The following VPS8 variants were observed in gnomAD, a reference collection of about 807,000 sequenced individuals.
VPS8 encodes VPS8 subunit of CORVET complex, also known as vacuolar protein sorting-associated protein 8 homolog.
A neutral mutation model predicts 216.4 loss-of-function variants in VPS8; 129 were observed. The ratio of observed to expected loss-of-function variants is 0.60; its 90% CI spans 0.52 to 0.69. The LOEUF (loss-of-function observed/expected upper bound fraction) is 0.69, where lower values mean the gene tolerates loss of function less well. VPS8 is among the 30% of genes least tolerant of loss of function. The probability of loss-of-function intolerance (pLI) is 0.00; values close to 1 mark genes in which losing one functional copy is unlikely to be tolerated. For synonymous variants in VPS8, 571 were observed against 565.4 expected, an observed-to-expected ratio of 1.01 and a Z score of -0.14; for missense variants, 1,531 against 1,683.5, an observed-to-expected ratio of 0.91 and a Z score of 1.59.
chr3:184,815,118 T>C (rs1022924722), intron 1 of VPS8, among the ~76,000 whole-genome samples: 1 of 152,178 alleles, frequency 6.6e-6, no homozygotes, highest in Non-Finnish European at 1.5e-5. Context: ...TCATCTCTTA[T>C]GATAACAGTG....
rs541748724 is a variant in VPS8, at chr3:184,990,886, G to A, written c.3586-3097G>A. On this transcript the variant is annotated intron_variant, in intron 42 of 47. Coordinates refer to ENST00000625842, the MANE Select transcript of VPS8 (RefSeq NM_001009921.3). ...TCTCACAGATCTTCTTGATCTTCAC[G>A]TGTTTATTCAGACTGATGCCTGGGA... is the stretch of plus-strand genomic sequence containing the variant. Among the ~76,000 whole-genome samples the A allele has an allele frequency of 8.0e-4, 120 of 150,592 alleles. 1 individual carries two copies. The highest frequency in any genetic ancestry group is 2.8e-3 in the African/African-American group (116 of 41,110).
At chr3:185,050,010 TC>T (rs1235724828) in intron 47 of VPS8, among the ~76,000 whole-genome samples, 2 of 152,144 alleles carry the variant, frequency 1.3e-5, no homozygotes, top group East Asian at 3.9e-4. Flanking sequence ...TTCTGGGCCT[TC>T]CAAGGAGGTT....
chr3:184,918,768 A>T (rs533726825), intron 28 of VPS8, among the ~76,000 whole-genome samples: 30 of 152,130 alleles, frequency 2.0e-4, no homozygotes, highest in Non-Finnish European at 3.8e-4. Flanking sequence ...TTCCCTTTGT[A>T]CCTGCAGAGT....
At chr3:184,882,403 C>T in intron 21 of VPS8, 1 of 454,814 alleles carries the variant, frequency 2.2e-6, no homozygotes, top group South Asian at 1.6e-5. Context: ...ACCAGTCTTG[C>T]ATCCTGGAAT....
intron 21 of VPS8, among the ~76,000 whole-genome samples, chr3:184,880,516 G>T (rs1730086978): frequency 6.6e-6 from 1 of 152,234 alleles, no homozygotes; most frequent in Admixed American, 6.5e-5. Flanking sequence ...TTTATTGCTG[G>T]GTAGTATTCC....
In VPS8 at chr3:184,879,686, C is replaced by T. The variant is rs549690123; in HGVS notation, c.1735-6424C>T. Reference sequence around the variant, plus strand: ...CTACTCCAGGTGGTTGTTTACTAGTCCGGGAAATGCCAGCTGCCCAGCTCT... The same window carrying T: ...CTACTCCAGGTGGTTGTTTACTAGTTCGGGAAATGCCAGCTGCCCAGCTCT... On this transcript the variant is annotated intron_variant, in intron 21 of 47. Coordinates refer to ENST00000625842, the MANE Select transcript of VPS8 (RefSeq NM_001009921.3). Among the ~76,000 whole-genome samples the T allele has an allele frequency of 1.8e-3, 271 of 152,222 alleles. 2 individuals are homozygous for T. Among genetic ancestry groups the T allele is most frequent in the African/African-American group, 6.4e-3 (264 of 41,534 alleles).
At position 184,863,084 on chromosome 3, in the gene VPS8, A is replaced by T. The variant is rs373699642; in HGVS notation, c.1395+17A>T. The T allele has an allele frequency of 3.7e-6, 6 of 1,610,142 alleles. No individual in the cohort carries two copies. In the African/African-American group the frequency reaches 6.7e-5, roughly 18 times the overall value. On this transcript the variant is annotated intron_variant, in intron 16 of 47. Transcript: ENST00000625842. ...CAGGCACTGGTAAGGATAATCACTT[A>T]TCTTGCTATCCTAGAAAATACTTTG...
At chr3:184,881,925 T>G (rs1730334236) in intron 21 of VPS8, among the ~76,000 whole-genome samples, 1 of 152,068 alleles carries the variant, frequency 6.6e-6, no homozygotes, top group African/African-American at 2.4e-5. Flanking sequence ...AATGTTTATT[T>G]TATATTCTGC....
chr3:184,886,172 C>T lies in VPS8; in HGVS notation c.1781+16C>T, dbSNP rs1731184332. On this transcript the variant is annotated intron_variant, in intron 22 of 47. Coordinates refer to ENST00000625842, the MANE Select transcript of VPS8 (RefSeq NM_001009921.3). ...TGCAGCGAAAGTGAGTATGCGTTGCCTGTCACATTCAATTATTTTGAACCC... is the reference window on the plus strand; with the variant it reads ...TGCAGCGAAAGTGAGTATGCGTTGCTTGTCACATTCAATTATTTTGAACCC... The T allele has an allele frequency of 7.5e-6, 12 of 1,600,300 alleles. No homozygotes were observed. Among genetic ancestry groups the T allele is most frequent in the Non-Finnish European group, 1.0e-5 (12 of 1,172,884 alleles).
At chr3:184,986,645 A>C (rs1577069443) in intron 42 of VPS8, among the ~76,000 whole-genome samples, 1 of 152,158 alleles carries the variant, frequency 6.6e-6, no homozygotes, top group Non-Finnish European at 1.5e-5. Context: ...AACAGATTGG[A>C]TGCTTCAGGT....
At chr3:184,848,184 A>G (rs1390892890) in intron 8 of VPS8, among the ~76,000 whole-genome samples, 3 of 152,154 alleles carry the variant, frequency 2.0e-5, no homozygotes, top group Non-Finnish European at 2.9e-5. Context: ...AAGTGCTGGG[A>G]TTACAGGTGT....
intron 34 of VPS8, among the ~76,000 whole-genome samples, chr3:184,932,698 C>G (rs1482423196): frequency 6.6e-6 from 1 of 151,998 alleles, no homozygotes; most frequent in African/African-American, 2.4e-5. Context: ...TTTGTTTTGC[C>G]TATTCTTGAA....
chr3:184,982,129 G>A (rs889913385), intron 40 of VPS8, among the ~76,000 whole-genome samples: 1 of 152,032 alleles, frequency 6.6e-6, no homozygotes, highest in Non-Finnish European at 1.5e-5. Flanking sequence ...AGGAAATTGG[G>A]TGGGGGACAG....
intron 37 of VPS8, 48 bp downstream of exon 37, chr3:184,957,569 T>C: frequency 6.5e-7 from 1 of 1,535,476 alleles, no homozygotes; most frequent in Non-Finnish European, 8.8e-7. Flanking sequence ...TTCTTAACAT[T>C]CTCCATTTGA....
intron 36 of VPS8, among the ~76,000 whole-genome samples, chr3:184,949,971 G>A (rs1475458108): frequency 3.3e-5 from 5 of 151,582 alleles, no homozygotes; most frequent in Admixed American, 6.6e-5. Context: ...GTGCAGTGGC[G>A]TGATTTCGGC....
At chr3:184,829,651 ATG>A (rs547985039) in intron 3 of VPS8, among the ~76,000 whole-genome samples, 194 of 152,342 alleles carry the variant, frequency 1.3e-3, no homozygotes, top group African/African-American at 4.5e-3. Flanking sequence ...GCAACAGTAT[ATG>A]AGATTTCTGA....
intron 1 of VPS8, among the ~76,000 whole-genome samples, chr3:184,815,611 T>C (rs1047896491): frequency 6.6e-6 from 1 of 152,046 alleles, no homozygotes; most frequent in Admixed American, 6.5e-5. Flanking sequence ...ATTGGCCACA[T>C]AGGACCCAAG....
rs140476084 is a variant in VPS8, at chr3:184,943,050, G to A, written c.3035+2807G>A. ...TTGAACCCTACCTCCACCCCATTCC[G>A]TTCCCTTCTTTCCAGGGATGCAGGG... On this transcript the variant is annotated intron_variant, in intron 36 of 47. Coordinates refer to ENST00000625842, the MANE Select transcript of VPS8 (RefSeq NM_001009921.3). Among the ~76,000 whole-genome samples, 76 of 152,188 alleles carry A rather than the reference G, an allele frequency of 5.0e-4. No individual in the cohort carries two copies. The East Asian group carries it at 8.3e-3, about 17-fold the overall frequency.
At chr3:184,855,901 G>A (rs1436590605) in intron 14 of VPS8, 83 bp downstream of exon 14, 1 of 1,086,846 alleles carries the variant, frequency 9.2e-7, no homozygotes, top group Non-Finnish European at 1.3e-6. Flanking sequence ...AGAAATTTGT[G>A]TTACTATCCT....
Sources: allele counts gnomAD v4.1 joint callset (sites outside exome capture counted in the v4.1 genomes callset), GRCh38; gene constraint gnomAD v4.1.1; transcripts MANE v1.5; gene names NCBI Gene and HGNC (gene_info 2026-07-23, HGNC 2026-07-21).